The following CSPP1 variants were observed in gnomAD, a reference collection of about 807,000 sequenced individuals.
The protein encoded by CSPP1 is centrosome and spindle pole associated protein 1.
In CSPP1, 126 loss-of-function variants were observed where a neutral mutation model predicts 164.4. The ratio of observed to expected loss-of-function variants is 0.77; its 90% CI spans 0.66 to 0.89. The LOEUF (loss-of-function observed/expected upper bound fraction) is 0.89, where lower values mean the gene tolerates loss of function less well. Among genes scored for constraint, CSPP1 ranks in the 40% least tolerant of loss-of-function variants. The pLI is 0.00. For synonymous variants in CSPP1, 472 were observed against 476.7 expected (o/e 0.99, Z 0.13); for missense variants, 1,395 against 1,449.8 (o/e 0.96, Z 0.61).
Position 67,064,484 on chromosome 8 carries a change from C to T in CSPP1, c.-65C>T, listed in dbSNP as rs1474489042. 1.2e-5 allele frequency: 19 copies of T among 1,613,728 alleles called. No individual in the cohort carries two copies. The East Asian group carries it at 4.2e-4, about 36-fold the overall frequency. Reference sequence around the variant, plus strand: ...CACTGTGTGTCTCCCCGGACGCGAGCCCGCTCCCCTGAGTAAGAGTCAGCC... The same window carrying T: ...CACTGTGTGTCTCCCCGGACGCGAGTCCGCTCCCCTGAGTAAGAGTCAGCC... On this transcript the variant is annotated 5_prime_UTR_variant, in exon 1 of 31. Coordinates refer to ENST00000678616, the MANE Select transcript of CSPP1 (RefSeq NM_001382391.1).
In CSPP1 at chr8:67,105,903, A is replaced by T. The variant is rs1461354443; in HGVS notation, c.1023-2A>T. 2.0e-6 allele frequency: 3 copies of T among 1,518,918 alleles called. No individual in the cohort carries two copies. Among genetic ancestry groups the T allele is most frequent in the African/African-American group, 2.7e-5 (2 of 72,882 alleles). 94.1% of individuals were successfully genotyped at this position (1,518,918 alleles called of 1,614,324 possible). On this transcript the variant is annotated splice_acceptor_variant, in intron 8 of 30. Coordinates refer to ENST00000678616, the MANE Select transcript of CSPP1 (RefSeq NM_001382391.1). LOFTEE classifies it high-confidence loss of function. ...TCTTTTTCTCTGTCTTTTTTTCTTT[A>T]GTGCTCCAGACAATGAAACATCCAA... is the stretch of plus-strand genomic sequence containing the variant.
At chr8:67,089,834 T>A (rs571702601) in intron 4 of CSPP1, among the ~76,000 whole-genome samples, 1 of 150,832 alleles carries the variant, frequency 6.6e-6, no homozygotes, top group Admixed American at 6.6e-5. Flanking sequence ...AAAAAAAAGT[T>A]TTTTTTTTGT....
Position 67,158,974 on chromosome 8 carries a change from C to T in CSPP1, c.2392-17C>T, listed in dbSNP as rs58448590. On this transcript the variant is annotated splice_polypyrimidine_tract_variant and intron_variant, in intron 20 of 30. Transcript: ENST00000678616. ...GAAGGAATATATGGAATGCATATTT[C>T]TCTTTTTATTTTAAAGCAAAGGCTA... 0.053 allele frequency: 83,848 copies of T among 1,573,286 alleles called. 5,740 individuals carry two copies. Among genetic ancestry groups the T allele is most frequent in the African/African-American group, 0.33 (23,638 of 72,342 alleles).
At chr8:67,162,969 T>G (rs1586642309) in intron 22 of CSPP1, among the ~76,000 whole-genome samples, 1 of 152,294 alleles carries the variant, frequency 6.6e-6, no homozygotes, top group East Asian at 1.9e-4. Flanking sequence ...GTTAAATTAG[T>G]GCCATTGTCT....
intron 28 of CSPP1, among the ~76,000 whole-genome samples, chr8:67,188,734 C>T (rs1199209778): frequency 1.3e-5 from 2 of 152,228 alleles, no homozygotes; most frequent in African/African-American, 4.8e-5. Flanking sequence ...GTCCTCTACA[C>T]TTCTGATCCA....
intron 17 of CSPP1, among the ~76,000 whole-genome samples, chr8:67,146,082 A>G (rs1051154029): frequency 2.8e-5 from 4 of 143,060 alleles, no homozygotes; most frequent in African/African-American, 7.8e-5. Context: ...CTTTTATTCA[A>G]TTCTAGTTTG....
intron 19 of CSPP1, among the ~76,000 whole-genome samples, chr8:67,157,098 T>C (rs1270070099): frequency 6.6e-6 from 1 of 152,044 alleles, no homozygotes; most frequent in African/African-American, 2.4e-5. Context: ...GAAGGGGGAA[T>C]TGAGTATTGA....
chr8:67,112,108 A>T (rs748431988), intron 10 of CSPP1, 43 bp downstream of exon 10: 1 of 1,373,190 alleles, frequency 7.3e-7, no homozygotes, highest in Non-Finnish European at 1.0e-6. Flanking sequence ...TTGAGTTTAA[A>T]GTGCATTTGT....
In CSPP1 at chr8:67,076,332, C is replaced by A. The variant is rs73693106; in HGVS notation, c.100-150C>A. ...GAATATCTATTATAAAATTAAAATA[C>A]CTTTGGCTAATTCCTCAAACCTTAC... On this transcript the variant is annotated intron_variant, in intron 2 of 30. Transcript: ENST00000678616. The A allele has an allele frequency of 0.053, 19,492 of 367,080 alleles. 1,302 individuals carry two copies. Among genetic ancestry groups the A allele is most frequent in the African/African-American group, 0.21 (10,188 of 47,480 alleles). 22.7% of individuals were successfully genotyped at this position (367,080 alleles called of 1,614,324 possible). A position where few individuals can be genotyped will look rare whatever the true frequency, so the allele number is the denominator to read the frequency against.
intron 16 of CSPP1, chr8:67,133,669 G>C (rs969418616): frequency 6.6e-6 from 1 of 152,210 alleles, no homozygotes; most frequent in Non-Finnish European, 1.5e-5. Context: ...AGTGAAATTT[G>C]CTGCATCAAT....
chr8:67,185,268 T>C (rs1439771814), intron 28 of CSPP1, among the ~76,000 whole-genome samples: 1 of 152,140 alleles, frequency 6.6e-6, no homozygotes, highest in Non-Finnish European at 1.5e-5. Flanking sequence ...CAATGGAAGA[T>C]TTGATGAGCC....
At position 67,064,406 on chromosome 8, in the gene CSPP1, T is replaced by C. The variant is rs1164437313; in HGVS notation, c.-143T>C. The C allele has an allele frequency of 6.2e-7, 1 of 1,613,468 alleles. No individual in the cohort carries two copies. The highest frequency in any genetic ancestry group is 1.1e-5 in the South Asian group (1 of 91,054). ...CCGGCCCGGAGGTCTGTCATGCTGT[T>C]CCCGCTCCAGGTGGCCGCTGTAACC... On this transcript the variant is annotated 5_prime_UTR_variant, in exon 1 of 31. Transcript: ENST00000678616.
chr8:67,120,674 T>G lies in CSPP1; in HGVS notation c.1697+1853T>G, dbSNP rs79617748. On this transcript the variant is annotated intron_variant, in intron 15 of 30. Transcript: ENST00000678616. The stretch of plus-strand genomic sequence containing the variant: ...TTCTTTTCAAATTGTTCATTGTTAG[T>G]GTATAGAAATGCAGCTGATTTTTGG... Among the ~76,000 whole-genome samples, 292 of 152,252 alleles carry G rather than the reference T, an allele frequency of 1.9e-3. 1 individual carries two copies. Among genetic ancestry groups the G allele is most frequent in the African/African-American group, 6.7e-3 (279 of 41,576 alleles).
intron 27 of CSPP1, 109 bp downstream of exon 27, chr8:67,177,835 A>C: frequency 1.2e-6 from 1 of 806,470 alleles, no homozygotes; most frequent in Non-Finnish European, 2.2e-6. Flanking sequence ...ATATTGAATT[A>C]AGAACGTAAG....
intron 1 of CSPP1, chr8:67,065,599 A>G (rs1288882576): frequency 5.9e-6 from 4 of 678,378 alleles, no homozygotes; most frequent in Non-Finnish European, 7.3e-6. Context: ...TGGTGATTAA[A>G]TGTCTGCTGA....
intron 28 of CSPP1, among the ~76,000 whole-genome samples, chr8:67,190,047 A>T (rs1165302310): frequency 6.6e-6 from 1 of 152,216 alleles, no homozygotes; most frequent in South Asian, 2.1e-4. Context: ...GAGTAGAGTT[A>T]ACCATAATAC....
intron 22 of CSPP1, 91 bp from the exon 23 acceptor site, chr8:67,163,640 CT>C (rs1376594718): frequency 1.1e-6 from 1 of 907,510 alleles, no homozygotes; most frequent in Non-Finnish European, 1.7e-6. Context: ...GTTTGGTTTC[CT>C]TTACATATAA....
rs766496985 is a variant in CSPP1, at chr8:67,179,869, G to C, written c.3163G>C (p.Asp1055His). 8 of 1,594,274 alleles carry C rather than the reference G, an allele frequency of 5.0e-6. No individual in the cohort carries two copies. The highest frequency in any genetic ancestry group is 3.3e-5 in the Admixed American group (2 of 59,732). ...TGAAACATGTTTCTTTTAGCCCAGA[G>C]ATGACACTAGTGATTTCTTGAAAAA... The part of the protein sequence containing the change: ...AKVREQRMPR[D>H]DTSDFLKNSL... The change falls in exon 28 of 31, where the codon GAT becomes CAT. Residue 1055 changes from aspartate (D) to histidine (H), a missense_variant. By Grantham distance (81) the Asp-to-His change is moderately conservative (BLOSUM62 -1). Transcript: ENST00000678616.
chr8:67,115,451 G>T (rs1360097056), intron 12 of CSPP1, among the ~76,000 whole-genome samples: 1 of 152,156 alleles, frequency 6.6e-6, no homozygotes, highest in Non-Finnish European at 1.5e-5. Flanking sequence ...AGGCCGAGGT[G>T]GTCGGATCAC....
Sources: gnomAD v4.1 joint callset for allele counts (sites outside exome capture counted in the v4.1 genomes callset) on GRCh38, gnomAD v4.1.1 for gene constraint, MANE v1.5 for transcripts, NCBI Gene and HGNC (gene_info 2026-07-23, HGNC 2026-07-21) for gene names.